Variants in CCT5 observed in about 807,000 individuals in gnomAD.
CCT5 encodes the protein T-complex protein 1 subunit epsilon.
In CCT5, 6 loss-of-function variants were observed where a neutral mutation model predicts 55.0. The observed-to-expected ratio is 0.11, with a 90% CI of 0.06 to 0.22. The LOEUF (loss-of-function observed/expected upper bound fraction) is 0.22, where lower values mean the gene tolerates loss of function less well. Among genes scored for constraint, CCT5 ranks in the 10% least tolerant of loss-of-function variants. The pLI is 1.00. For missense variants in CCT5, 560 were observed against 694.6 expected, an observed-to-expected ratio of 0.81 and a Z score of 2.18; for synonymous variants, 231 against 243.7, an observed-to-expected ratio of 0.95 and a Z score of 0.49.
intron 9 of CCT5, among the ~76,000 whole-genome samples, chr5:10,262,910 A>G (rs908907707): frequency 3.3e-5 from 5 of 152,244 alleles, no homozygotes; most frequent in Non-Finnish European, 5.9e-5. Flanking sequence ...TAAAGCCATA[A>G]GAGCTGCTGT....
chr5:10,252,842 A>G (rs768110373), intron 1 of CCT5, among the ~76,000 whole-genome samples: 9 of 152,210 alleles, frequency 5.9e-5, no homozygotes, highest in Non-Finnish European at 1.3e-4. Context: ...GCAGTAGGGC[A>G]AAATAGATCT....
chr5:10,255,870 A>G, intron 3 of CCT5, 85 bp from the exon 4 acceptor site: 4 of 1,170,478 alleles, frequency 3.4e-6, no homozygotes, highest in South Asian at 1.3e-5. Flanking sequence ...GCTTCTTTCC[A>G]TGATAGCATC....
At chr5:10,254,261 A>G in intron 2 of CCT5, 56 bp downstream of exon 2, 1 of 1,200,582 alleles carries the variant, frequency 8.3e-7, no homozygotes, top group Non-Finnish European at 1.2e-6. Context: ...TAAAACTGTC[A>G]ATATAAACCT....
Position 10,265,041 on chromosome 5 carries a change from A to C in CCT5, c.*258A>C. The stretch of plus-strand genomic sequence containing the variant: ...TTTATCTTCTCTTCGGGTTTAAGAA[A>C]CGTTTATTGTAACAGTAATTAAATG... On this transcript the variant is annotated 3_prime_UTR_variant, in exon 11 of 11. Transcript: ENST00000280326. 2.4e-6 allele frequency: 1 copy of C among 421,364 alleles called. No individual in the cohort carries two copies. Among genetic ancestry groups the C allele is most frequent in the South Asian group, 2.6e-5 (1 of 38,432 alleles). 26.1% of individuals were successfully genotyped at this position (421,364 alleles called of 1,614,324 possible).
chr5:10,252,600 G>A (rs1270539265), intron 1 of CCT5, among the ~76,000 whole-genome samples: 1 of 130,998 alleles, frequency 7.6e-6, no homozygotes, highest in African/African-American at 2.8e-5. Flanking sequence ...GGGTGACAGA[G>A]TGAGACTCCG....
intron 6 of CCT5, among the ~76,000 whole-genome samples, chr5:10,260,085 G>C (rs1349852697): frequency 6.6e-6 from 1 of 152,182 alleles, no homozygotes; most frequent in African/African-American, 2.4e-5. Context: ...TCTGGACTGA[G>C]TTCCAGAGGG....
At chr5:10,260,464 A>T (rs6881320) in intron 6 of CCT5, among the ~76,000 whole-genome samples, 1 of 152,072 alleles carries the variant, frequency 6.6e-6, no homozygotes, top group Non-Finnish European at 1.5e-5. Context: ...GCTGTTAGCC[A>T]TTTCCCCATG....
chr5:10,261,735 G>A lies in CCT5; in HGVS notation c.1169G>A (p.Gly390Glu), dbSNP rs1349214987. The change falls in exon 8 of 11, where the codon GGA becomes GAA. Residue 390 changes from glycine (G) to glutamate (E), a missense_variant. By Grantham distance (98) the Gly-to-Glu change is moderately conservative. Transcript: ENST00000280326. ...SRAVTIFIRG[G>E]NKMIIEEAKR... ...GCTGTAACCATTTTTATTAGAGGAG[G>A]AAATAAGATGGTGAGAATTCAACTA... 1.2e-6 allele frequency: 2 copies of A among 1,613,472 alleles called. No individual in the cohort carries two copies. Among genetic ancestry groups the A allele is most frequent in the Non-Finnish European group, 1.7e-6 (2 of 1,179,470 alleles).
In CCT5 at chr5:10,263,193, C is replaced by T. The variant is rs1247691358; in HGVS notation, c.1377C>T (p.Pro459=). ...TTGCCGACGCACTGGAGGTCATCCC[C>T]ATGGCCCTCTCTGAAAACAGTGGCA... ...RAFADALEVI[P]MALSENSGMN... is the part of the protein sequence containing the mutation. Residue 459 remains proline (P), a synonymous_variant, in exon 10 of 11, where the codon CCC becomes CCT. Coordinates refer to ENST00000280326, the MANE Select transcript of CCT5 (RefSeq NM_012073.5). 3 of 1,614,216 alleles carry T rather than the reference C, an allele frequency of 1.9e-6. No individual in the cohort carries two copies. The highest frequency in any genetic ancestry group is 4.5e-5 in the East Asian group (2 of 44,886).
chr5:10,262,883 A>C (rs1746034347), intron 9 of CCT5, among the ~76,000 whole-genome samples: 1 of 152,234 alleles, frequency 6.6e-6, no homozygotes, highest in Non-Finnish European at 1.5e-5. Flanking sequence ...TTCAAAATTA[A>C]TATTATAACT....
Position 10,264,775 on chromosome 5 carries a change from G to A in CCT5, c.1618G>A (p.Glu540Lys). 6.2e-7 allele frequency: 1 copy of A among 1,610,680 alleles called. No homozygotes were observed. The highest frequency in any genetic ancestry group is 8.5e-7 in the Non-Finnish European group (1 of 1,176,890). Residue 540 changes from glutamate (E) to lysine (K), a missense_variant, in exon 11 of 11, where the codon GAA (glutamate) becomes AAA (lysine). Physicochemically the swap from Glu to Lys is moderately conservative, Grantham distance 56. This residue lies in a region of CCT5 where 115 missense variants were observed against 105.0 expected (regional missense o/e 1.10). Coordinates refer to ENST00000280326, the MANE Select transcript of CCT5 (RefSeq NM_012073.5). ...TGACATTCGTAAGCCTGGAGAATCT[G>A]AAGAATGAAGACATTGAGAAAACTA... The part of the protein sequence containing the change: ...IDDIRKPGES[E>K]E
chr5:10,255,069 G>A (rs767822252), intron 3 of CCT5: 22 of 545,086 alleles, frequency 4.0e-5, no homozygotes, highest in Non-Finnish European at 6.9e-5. Flanking sequence ...ATGATTGATT[G>A]GACACTGATT....
At chr5:10,250,142 T>A (rs1745291096), upstream of CCT5, 9 of 1,536,012 alleles carry the variant, frequency 5.9e-6, no homozygotes, top group South Asian at 6.0e-5. Flanking sequence ...CCCGGCTTCC[T>A]GGATAATAGA....
rs751049553 is a variant in CCT5 at position 10,264,687 on chromosome 5, G to C, written c.1530G>C (p.Leu510Phe). 3 of 1,613,632 alleles carry C rather than the reference G, an allele frequency of 1.9e-6. No homozygotes were observed. The highest frequency in any genetic ancestry group is 2.5e-6 in the Non-Finnish European group (3 of 1,179,722). The change falls in exon 11 of 11, where the codon TTG becomes TTC. Residue 510 changes from leucine (L) to phenylalanine (F), a missense_variant. Physicochemically the swap from Leu to Phe is conservative, Grantham distance 22 (BLOSUM62 0). This residue lies in a region of CCT5 where 115 missense variants were observed against 105.0 expected (regional missense o/e 1.10). Transcript: ENST00000280326. The stretch of plus-strand genomic sequence containing the variant: ...AGCAACAGCATGTCATAGAAACCTT[G>C]ATTGGCAAAAAGCAACAGATATCTC... ...DMKQQHVIET[L>F]IGKKQQISLA...
upstream of CCT5, chr5:10,250,127 C>T (rs1043702956): frequency 6.5e-7 from 1 of 1,534,194 alleles, no homozygotes; most frequent in Non-Finnish European, 8.7e-7. Context: ...TCAAACCTCC[C>T]CCTCCCCGGC....
chr5:10,252,920 C>T (rs145938875), intron 1 of CCT5, among the ~76,000 whole-genome samples: 1 of 152,016 alleles, frequency 6.6e-6, no homozygotes, highest in African/African-American at 2.4e-5. Context: ...CTTGCTTTCT[C>T]CTTAAAAATA....
intron 9 of CCT5, 40 bp downstream of exon 9, chr5:10,262,658 C>A: frequency 6.2e-7 from 1 of 1,609,258 alleles, no homozygotes; most frequent in African/African-American, 1.3e-5. Context: ...ATTCAGGCCT[C>A]GCTGATGGTG....
In CCT5 at chr5:10,259,511, G is replaced by A. The variant is rs148495047; in HGVS notation, c.873+976G>A. Among the ~76,000 whole-genome samples, 528 of 152,308 alleles carry A rather than the reference G, an allele frequency of 3.5e-3. 3 individuals carry two copies. The highest frequency in any genetic ancestry group is 0.012 in the African/African-American group (507 of 41,564). The stretch of plus-strand genomic sequence containing the variant: ...AATGAAGCCAAGCTCGTGCTCTTGA[G>A]ACACAGATAAGAGAAAGGTGGGTAC... On this transcript the variant is annotated intron_variant, in intron 6 of 10. Transcript: ENST00000280326.
rs925084668 is a variant in CCT5, at chr5:10,262,247, T to C, written c.1180-234T>C. ...GATAAATCTTTGCGAGTTTTGTCAG[T>C]TTTTGACTCTTGCTTGACCGTGTAT... On this transcript the variant is annotated intron_variant, in intron 8 of 10. Transcript: ENST00000280326. 6 of 528,482 alleles carry C rather than the reference T, an allele frequency of 1.1e-5. No homozygotes were observed. In the African/African-American group the frequency reaches 1.1e-4, roughly 10 times the overall value. The allele number at this position is 528,482 out of a possible 1,614,324, so 32.7% of individuals were successfully genotyped here.
Sources: gnomAD v4.1 joint callset for allele counts (sites outside exome capture counted in the v4.1 genomes callset) on GRCh38, gnomAD v4.1.1 for gene constraint, gnomAD v4.1.1 regional missense constraint, MANE v1.5 for transcripts, NCBI Gene and HGNC (gene_info 2026-07-23, HGNC 2026-07-21) for gene names.